ADPRHL1: variants seen among roughly 807,000 people sequenced by gnomAD.
ADPRHL1 encodes the protein ADP-ribosylhydrolase like 1, also known as inactive ADP-ribosyltransferase ARH2.
In ADPRHL1, 43 loss-of-function variants were observed where a neutral mutation model predicts 44.1. The ratio of observed to expected loss-of-function variants is 0.98; its 90% CI spans 0.76 to 1.26. The LOEUF is 1.26. Ranked by LOEUF, ADPRHL1 falls within the 50% of genes most tolerant of loss-of-function variation. ADPRHL1 has a pLI of 0.00. For missense variants in ADPRHL1, 2,022 were observed against 2,496.9 expected (o/e 0.81, Z 4.05); for synonymous variants, 878 against 1,017.4 (o/e 0.86, Z 2.61).
At chr13:113,422,681 G>A in intron 7 of ADPRHL1, 145 bp downstream of exon 7, 2 of 1,002,432 alleles carry the variant, frequency 2.0e-6, no homozygotes, top group South Asian at 1.7e-5. Flanking sequence ...TCTGAAATTG[G>A]AAACAGAGAG....
intron 7 of ADPRHL1, among the ~76,000 whole-genome samples, chr13:113,416,102 G>A (rs569328467): frequency 3.3e-5 from 5 of 151,524 alleles, no homozygotes; most frequent in East Asian, 3.9e-4. Context: ...TCATTGCAAC[G>A]GTCACCGTCT....
intron 7 of ADPRHL1, among the ~76,000 whole-genome samples, chr13:113,421,757 C>T (rs987310860): frequency 3.3e-5 from 5 of 152,198 alleles, no homozygotes; most frequent in African/African-American, 4.8e-5. Flanking sequence ...AGAAGACGCC[C>T]GTGGGGGTAG....
chr13:113,451,755 C>G (rs1388013896), intron 1 of ADPRHL1, among the ~76,000 whole-genome samples: 1 of 152,176 alleles, frequency 6.6e-6, no homozygotes, highest in African/African-American at 2.4e-5. Context: ...TTGCAGTGAG[C>G]TGAGATCACG....
intron 3 of ADPRHL1, among the ~76,000 whole-genome samples, chr13:113,430,825 T>C (rs188808496): frequency 9.1e-4 from 139 of 152,048 alleles, no homozygotes; most frequent in African/African-American, 3.2e-3. Context: ...GTGCTGCCGA[T>C]GGGAGCAGCT....
chr13:113,408,452 G>A (rs565521434), intron 7 of ADPRHL1, among the ~76,000 whole-genome samples: 2 of 152,294 alleles, frequency 1.3e-5, no homozygotes, highest in South Asian at 4.1e-4. Flanking sequence ...TAAATGGCAG[G>A]AACTTCTGAC....
rs1479720457 is a variant in ADPRHL1 at position 113,420,706 on chromosome 13, C to T, written c.1061+2120G>A. On this transcript the variant is annotated intron_variant, in intron 7 of 7. Transcript: ENST00000612156. The stretch of plus-strand genomic sequence containing the variant: ...TAGCAGCACAGTTAGTCCAGTTATT[C>T]GGAAGCTCAGCACGGAGCCACATTG... 2.0e-5 allele frequency among the ~76,000 whole-genome samples: 3 copies of T among 152,016 alleles called. No homozygotes were observed. The East Asian group carries it at 5.8e-4, about 29-fold the overall frequency.
chr13:113,413,300 C>T (rs1295660039), intron 7 of ADPRHL1, among the ~76,000 whole-genome samples: 1 of 152,244 alleles, frequency 6.6e-6, no homozygotes, highest in Non-Finnish European at 1.5e-5. Context: ...AGCCTCGCTG[C>T]CTCCCTGACG....
chr13:113,419,609 G>GA (rs1035134427), intron 7 of ADPRHL1, among the ~76,000 whole-genome samples: 5 of 152,128 alleles, frequency 3.3e-5, no homozygotes, highest in African/African-American at 1.2e-4. Context: ...AGCAACACTG[G>GA]AAGTCGCCAT....
intron 2 of ADPRHL1, among the ~76,000 whole-genome samples, chr13:113,436,860 C>T (rs1231293912): frequency 7.5e-6 from 1 of 133,862 alleles, no homozygotes; most frequent in Non-Finnish European, 1.6e-5. Context: ...TACCCCGGGA[C>T]CCGGCACCCA....
chr13:113,404,514 C>G lies in ADPRHL1; in HGVS notation c.4768G>C (p.Gly1590Arg). The change falls in exon 8 of 8, where the codon GGG becomes CGG. Residue 1590 changes from glycine (G) to arginine (R), a missense_variant. Transcript: ENST00000612156. The stretch of plus-strand genomic sequence containing the variant: ...TTCTGGGCCTGTCCCTGAATCTGCC[C>G]CTGAGCCCATTTCTGGGCCTGTCCC... ...VQGQAQKWAQGQIQGQAQKQV... is the reference protein window; with the variant it reads ...VQGQAQKWAQRQIQGQAQKQV... The G allele has an allele frequency of 1.5e-6, 2 of 1,310,450 alleles. No homozygotes were observed. Among genetic ancestry groups the G allele is most frequent in the African/African-American group, 1.5e-5 (1 of 65,088 alleles). The allele number at this position is 1,310,450 out of a possible 1,614,324, so 81.2% of individuals were successfully genotyped here. A position where few individuals can be genotyped will look rare whatever the true frequency, so the allele number is the denominator to read the frequency against.
chr13:113,435,374 T>C (rs1265241015), intron 2 of ADPRHL1, among the ~76,000 whole-genome samples: 14 of 134,870 alleles, frequency 1.0e-4, no homozygotes, highest in African/African-American at 3.6e-4. Flanking sequence ...AGAGTGAACA[T>C]AGGTGTACCC....
intron 4 of ADPRHL1, among the ~76,000 whole-genome samples, chr13:113,426,345 C>T (rs930096586): frequency 6.6e-6 from 1 of 152,256 alleles, no homozygotes; most frequent in East Asian, 1.9e-4. Context: ...ACCGCGGGAG[C>T]CACAGAGGGT....
rs1025308598 is a variant in ADPRHL1 at position 113,405,359 on chromosome 13, G to A, written c.3923C>T (p.Ala1308Val). Reference protein sequence around the residue: ...GREGVRFPRGAEPDHLLPAVP... With the variant: ...GREGVRFPRGVEPDHLLPAVP... Reference sequence around the variant, plus strand: ...TGCGGGAAGCAGATGGTCAGGCTCCGCCCCACGGGGAAACCTGACGCCCTC... The same window carrying A: ...TGCGGGAAGCAGATGGTCAGGCTCCACCCCACGGGGAAACCTGACGCCCTC... Residue 1308 changes from alanine (A) to valine (V), a missense_variant, in exon 8 of 8, where the codon GCG (alanine) becomes GTG (valine). By Grantham distance (64) the Ala-to-Val change is moderately conservative. Coordinates refer to ENST00000612156, the MANE Select transcript of ADPRHL1 (RefSeq NM_001394807.1). 63 of 1,231,704 alleles carry A rather than the reference G, an allele frequency of 5.1e-5. No individual in the cohort carries two copies. Among genetic ancestry groups the A allele is most frequent in the Non-Finnish European group, 6.1e-5 (60 of 988,056 alleles). The allele number at this position is 1,231,704 out of a possible 1,614,324, so 76.3% of individuals were successfully genotyped here.
intron 7 of ADPRHL1, among the ~76,000 whole-genome samples, chr13:113,419,280 A>T (rs1350107522): frequency 2.7e-4 from 29 of 106,478 alleles, no homozygotes; most frequent in East Asian, 7.9e-4. Context: ...TAATTTTTGT[A>T]TTTTTTTTTT....
At chr13:113,440,893 C>G (rs930803753) in intron 2 of ADPRHL1, among the ~76,000 whole-genome samples, 2 of 152,124 alleles carry the variant, frequency 1.3e-5, no homozygotes, top group African/African-American at 2.4e-5. Context: ...TGGCTTATGC[C>G]TGTAATCCCA....
rs1050092383 is a variant in ADPRHL1 at position 113,402,251 on chromosome 13, G to A, written c.*1127C>T. On this transcript the variant is annotated 3_prime_UTR_variant, in exon 8 of 8. Coordinates refer to ENST00000612156, the MANE Select transcript of ADPRHL1 (RefSeq NM_001394807.1). ...GGCCACCGAGTGGCCTGGGACGATGGATCGCGACACGGAGGTGCATGGCTC... is the reference window on the plus strand; with the variant it reads ...GGCCACCGAGTGGCCTGGGACGATGAATCGCGACACGGAGGTGCATGGCTC... 3.3e-5 allele frequency: 5 copies of A among 152,240 alleles called. No individual in the cohort carries two copies. 9.4% of individuals were successfully genotyped at this position (152,240 alleles called of 1,614,324 possible).
intron 3 of ADPRHL1, among the ~76,000 whole-genome samples, chr13:113,432,425 C>T (rs1378283158): frequency 6.6e-6 from 1 of 152,232 alleles, no homozygotes; most frequent in Non-Finnish European, 1.5e-5. Context: ...CTGGCAAATG[C>T]CCAACATTTT....
rs377120170 is a variant in ADPRHL1 at position 113,406,510 on chromosome 13, C to T, written c.2772G>A (p.Pro924=). Residue 924 remains proline, a synonymous_variant, in exon 8 of 8, where the codon CCG becomes CCA. Coordinates refer to ENST00000612156, the MANE Select transcript of ADPRHL1 (RefSeq NM_001394807.1). ...CAGCCCCTCTTGCTGCTGCCAGACG[C>T]GGAGCTGCCCGTGGCCCCTGCGGCG... ...ASSPQGPRAA[P]RLAAARGAVG... 53 of 1,231,912 alleles carry T rather than the reference C, an allele frequency of 4.3e-5. 1 individual carries two copies. The East Asian group carries it at 5.0e-4, about 12-fold the overall frequency. 76.3% of individuals were successfully genotyped at this position (1,231,912 alleles called of 1,614,324 possible).
At chr13:113,444,134 C>A (rs925445092) in intron 2 of ADPRHL1, among the ~76,000 whole-genome samples, 26 of 152,284 alleles carry the variant, frequency 1.7e-4, no homozygotes, top group African/African-American at 6.0e-4. Flanking sequence ...ATTCCTTAAA[C>A]AGACGCCCGC....
Sources: allele counts gnomAD v4.1 joint callset (sites outside exome capture counted in the v4.1 genomes callset), GRCh38; gene constraint gnomAD v4.1.1; transcripts MANE v1.5; gene names NCBI Gene and HGNC (gene_info 2026-07-23, HGNC 2026-07-21).